The following GRB14 variants were observed in gnomAD, a reference collection of about 807,000 sequenced individuals.
The protein encoded by GRB14 is growth factor receptor-bound protein 14.
In GRB14, 38 loss-of-function variants were observed where a neutral mutation model predicts 69.1. The observed-to-expected ratio is 0.55, with a 90% CI of 0.42 to 0.72. The LOEUF (loss-of-function observed/expected upper bound fraction) is 0.72, where lower values mean the gene tolerates loss of function less well. GRB14 is among the 30% of genes least tolerant of loss of function. GRB14 has a pLI of 0.00. For synonymous variants in GRB14, 247 were observed against 241.3 expected (o/e 1.02, Z -0.22); for missense variants, 666 against 666.1 (o/e 1.00, Z 0.00).
intron 6 of GRB14, among the ~76,000 whole-genome samples, chr2:164,517,317 C>T (rs965978429): frequency 1.3e-5 from 2 of 152,070 alleles, no homozygotes; most frequent in African/African-American, 4.8e-5. Context: ...CCACACACAG[C>T]ACATGGGAAT....
intron 6 of GRB14, 23 bp from the exon 7 acceptor site, chr2:164,508,875 T>G: frequency 6.9e-7 from 1 of 1,454,732 alleles, no homozygotes; most frequent in Non-Finnish European, 9.3e-7. Flanking sequence ...AGTATTGACA[T>G]GGATACATAT....
At chr2:164,530,825 G>C (rs1489838875) in intron 3 of GRB14, among the ~76,000 whole-genome samples, 1 of 152,168 alleles carries the variant, frequency 6.6e-6, no homozygotes, top group African/African-American at 2.4e-5. Context: ...CTCTGTGTTA[G>C]ATGGGAAGTC....
At chr2:164,499,805 G>A (rs1361349420) in intron 9 of GRB14, among the ~76,000 whole-genome samples, 1 of 152,102 alleles carries the variant, frequency 6.6e-6, no homozygotes, top group African/African-American at 2.4e-5. Flanking sequence ...GAAGGATTTA[G>A]ATAAACTTAC....
chr2:164,507,405 A>G (rs533855503), intron 8 of GRB14, among the ~76,000 whole-genome samples: 19 of 152,330 alleles, frequency 1.2e-4, no homozygotes, highest in African/African-American at 4.3e-4. Context: ...ATTTCTAACT[A>G]TATTGAAAAG....
intron 8 of GRB14, among the ~76,000 whole-genome samples, chr2:164,502,974 T>G (rs1687095438): frequency 6.6e-6 from 1 of 152,068 alleles, no homozygotes; most frequent in South Asian, 2.1e-4. Flanking sequence ...GATAAGAATT[T>G]CAGTGTCTTC....
chr2:164,554,463 T>C (rs1688627021), intron 2 of GRB14, among the ~76,000 whole-genome samples: 1 of 152,124 alleles, frequency 6.6e-6, no homozygotes, highest in Non-Finnish European at 1.5e-5. Context: ...CATCAAAGGA[T>C]TGAAAGTTGA....
intron 3 of GRB14, chr2:164,539,779 G>A (rs1173315668): frequency 1.3e-5 from 2 of 152,054 alleles, no homozygotes. Context: ...TGAGGCCTCA[G>A]GATCTCACAA....
chr2:164,534,080 A>G (rs1234542577), intron 3 of GRB14, among the ~76,000 whole-genome samples: 2 of 152,192 alleles, frequency 1.3e-5, no homozygotes. Flanking sequence ...CATACATTCC[A>G]TTCCTTCGAA....
intron 2 of GRB14, chr2:164,568,513 T>C (rs1047888253): frequency 7.3e-6 from 8 of 1,095,140 alleles, no homozygotes; most frequent in Non-Finnish European, 9.0e-6. Flanking sequence ...ACCCTGCTTA[T>C]GTGATTCCAA....
chr2:164,521,718 G>A (rs908720683), intron 6 of GRB14, among the ~76,000 whole-genome samples: 1 of 152,010 alleles, frequency 6.6e-6, no homozygotes, highest in Non-Finnish European at 1.5e-5. Flanking sequence ...AGAAAGGAGT[G>A]AATTCAGAGT....
rs868196849 is a variant in GRB14, at chr2:164,576,162, C to T, written c.325-28346G>A. Among the ~76,000 whole-genome samples the T allele has an allele frequency of 3.4e-4, 51 of 151,062 alleles. 1 individual carries two copies. The highest frequency in any genetic ancestry group is 1.7e-4 in the African/African-American group (7 of 41,098). On this transcript the variant is annotated intron_variant, in intron 2 of 13. Transcript: ENST00000263915. The stretch of plus-strand genomic sequence containing the variant: ...ACAGTAAAAATAAAATGATTATAAA[C>T]GTCTCGGTGTCATATAGTACACATT...
chr2:164,617,237 G>A (rs974297689), intron 2 of GRB14, among the ~76,000 whole-genome samples: 27 of 152,216 alleles, frequency 1.8e-4, no homozygotes, highest in African/African-American at 6.5e-4. Flanking sequence ...TCAAAGGTAG[G>A]GACAGCCCTC....
Position 164,621,456 on chromosome 2 carries a change from G to T in GRB14, c.-147C>A. 2.0e-6 allele frequency: 1 copy of T among 489,816 alleles called. No homozygotes were observed. Among genetic ancestry groups the T allele is most frequent in the Non-Finnish European group, 3.2e-6 (1 of 317,036 alleles). 30.3% of individuals were successfully genotyped at this position (489,816 alleles called of 1,614,324 possible). A position where few individuals can be genotyped will look rare whatever the true frequency, so the allele number is the denominator to read the frequency against. On this transcript the variant is annotated 5_prime_UTR_variant, in exon 1 of 14. Coordinates refer to ENST00000263915, the MANE Select transcript of GRB14 (RefSeq NM_004490.3). The surrounding 1 kb of genome is among the most constrained non-coding windows in gnomAD (Gnocchi z 6.0). ...GCCGCCTGCGCTCGGGGCCCCGGCGGCTGAGACGCGCGGCCGAGCTATCTG... is the reference window on the plus strand; with the variant it reads ...GCCGCCTGCGCTCGGGGCCCCGGCGTCTGAGACGCGCGGCCGAGCTATCTG...
chr2:164,545,840 C>T (rs1431125372), intron 3 of GRB14, among the ~76,000 whole-genome samples: 3 of 152,128 alleles, frequency 2.0e-5, no homozygotes, highest in South Asian at 2.1e-4. Context: ...TCTAGTAGAA[C>T]GAATTCTTTA....
intron 2 of GRB14, among the ~76,000 whole-genome samples, chr2:164,550,451 G>A (rs968120618): frequency 6.6e-6 from 1 of 152,146 alleles, no homozygotes; most frequent in African/African-American, 2.4e-5. Flanking sequence ...AAATTAAAAT[G>A]ATATATCAAT....
At position 164,492,759 on chromosome 2, in the gene GRB14, C is replaced by A; in HGVS notation, c.*277G>T. On this transcript the variant is annotated 3_prime_UTR_variant, in exon 14 of 14. Coordinates refer to ENST00000263915, the MANE Select transcript of GRB14 (RefSeq NM_004490.3). ...ATAAGGGAGACATGTTTTAAATATG[C>A]ATATTTGAAGAAAATATTATAGCAA... 3.9e-6 allele frequency: 1 copy of A among 257,574 alleles called. No homozygotes were observed. 16.0% of individuals were successfully genotyped at this position (257,574 alleles called of 1,614,324 possible).
intron 3 of GRB14, among the ~76,000 whole-genome samples, chr2:164,538,032 C>T (rs1013629899): frequency 1.3e-5 from 2 of 152,022 alleles, no homozygotes; most frequent in East Asian, 3.9e-4. Context: ...GAGCAGCTTC[C>T]AAGCAGGAGG....
At chr2:164,618,963 A>G (rs751845817) in intron 2 of GRB14, among the ~76,000 whole-genome samples, 3 of 152,226 alleles carry the variant, frequency 2.0e-5, no homozygotes, top group Non-Finnish European at 2.9e-5. Flanking sequence ...AAAGTATATG[A>G]CAAGAGATGA....
chr2:164,557,287 C>T (rs1403008751), intron 2 of GRB14, among the ~76,000 whole-genome samples: 1 of 152,062 alleles, frequency 6.6e-6, no homozygotes, highest in Non-Finnish European at 1.5e-5. Context: ...GGAGGGGGTG[C>T]CTTCACCCGG....
Sources: gnomAD v4.1 joint callset for allele counts (sites outside exome capture counted in the v4.1 genomes callset) on GRCh38, gnomAD v4.1.1 for gene constraint, Gnocchi (gnomAD v3.1) non-coding constraint, MANE v1.5 for transcripts, NCBI Gene and HGNC (gene_info 2026-07-23, HGNC 2026-07-21) for gene names.